ATP2B2: variants seen among roughly 807,000 people sequenced by gnomAD.
ATP2B2 encodes ATPase plasma membrane Ca2+ transporting 2, also known as plasma membrane calcium-transporting ATPase 2.
In ATP2B2, 15 loss-of-function variants were observed where a neutral mutation model predicts 120.0. That is an observed-to-expected ratio of 0.12 (90% CI 0.08 to 0.19). The LOEUF is 0.19. Ranked by LOEUF, ATP2B2 falls within the 10% of genes least tolerant of loss-of-function variation. ATP2B2 has a pLI of 1.00. For missense variants in ATP2B2, 1,045 were observed against 1,719.8 expected (o/e 0.61, Z 6.94); for synonymous variants, 694 against 700.3 (o/e 0.99, Z 0.14).
chr3:10,586,145 C>T lies in ATP2B2; in HGVS notation c.-415+33772G>A, dbSNP rs114701709. Among the ~76,000 whole-genome samples, 1,436 of 152,256 alleles carry T rather than the reference C, an allele frequency of 9.4e-3. 25 individuals are homozygous for T. Among genetic ancestry groups the T allele is most frequent in the African/African-American group, 0.032 (1,347 of 41,528 alleles). On this transcript the variant is annotated intron_variant, in intron 2 of 21. Transcript: ENST00000646379. ...GTATTTGTTTACTTCTGACCGAAGC[C>T]ATGATGTCATCATTTTTACCCAGTT...
intron 1 of ATP2B2, among the ~76,000 whole-genome samples, chr3:10,661,468 G>T (rs1249501229): frequency 6.6e-6 from 1 of 152,120 alleles, no homozygotes; most frequent in Non-Finnish European, 1.5e-5. Context: ...GACAAACAGA[G>T]AGCCAAATCA....
intron 2 of ATP2B2, among the ~76,000 whole-genome samples, chr3:10,607,839 C>T (rs2069127441): frequency 6.6e-6 from 1 of 152,128 alleles, no homozygotes; most frequent in Admixed American, 6.5e-5. Context: ...TCAGCATCAC[C>T]AGGGTTTACC....
rs988347082 is a variant in ATP2B2, at chr3:10,347,394, T to C, written c.2405-1257A>G. Among the ~76,000 whole-genome samples the C allele has an allele frequency of 2.0e-5, 3 of 152,244 alleles. No homozygotes were observed. The highest frequency in any genetic ancestry group is 2.9e-5 in the Non-Finnish European group (2 of 68,042). Reference sequence around the variant, plus strand: ...CCTTAATCAGATCCATGTAACTCTATGTGCTGCTCCATCCTTGCGCATCTC... The same window carrying C: ...CCTTAATCAGATCCATGTAACTCTACGTGCTGCTCCATCCTTGCGCATCTC... On this transcript the variant is annotated intron_variant, in intron 16 of 22. Transcript: ENST00000360273. This position sits in a 1 kb window ranked among gnomAD's most constrained non-coding sequence, Gnocchi z 5.2.
At chr3:10,547,036 G>A (rs530052188) in intron 2 of ATP2B2, among the ~76,000 whole-genome samples, 165 of 152,276 alleles carry the variant, frequency 1.1e-3, no homozygotes, top group African/African-American at 3.8e-3. Context: ...CTGCAGAGAC[G>A]AACACTCCAG....
chr3:10,688,491 G>C (rs1398893227), intron 1 of ATP2B2, among the ~76,000 whole-genome samples: 2 of 152,188 alleles, frequency 1.3e-5, no homozygotes, highest in Admixed American at 1.3e-4. Context: ...TGCTGTTCAA[G>C]ATCAGCAGGG....
At chr3:10,382,666 A>C (rs937275787) in intron 8 of ATP2B2, among the ~76,000 whole-genome samples, 1 of 152,086 alleles carries the variant, frequency 6.6e-6, no homozygotes, top group Non-Finnish European at 1.5e-5. Context: ...CTCATGATGT[A>C]TAATTAACTG....
chr3:10,343,808 C>A lies in ATP2B2; in HGVS notation c.2704-843G>T, dbSNP rs1430251295. 2.0e-5 allele frequency among the ~76,000 whole-genome samples: 3 copies of A among 152,154 alleles called. No individual in the cohort carries two copies. The highest frequency in any genetic ancestry group is 7.2e-5 in the African/African-American group (3 of 41,434). ...CCTGCACTCCCACTTGTAATCCTGACCCCACTCTCCTGGTCGTCGTCCTCC... is the reference window on the plus strand; with the variant it reads ...CCTGCACTCCCACTTGTAATCCTGAACCCACTCTCCTGGTCGTCGTCCTCC... On this transcript the variant is annotated intron_variant, in intron 18 of 22. Coordinates refer to ENST00000360273, the MANE Select transcript of ATP2B2 (RefSeq NM_001001331.4). This position sits in a 1 kb window ranked among gnomAD's most constrained non-coding sequence, Gnocchi z 4.2.
intron 2 of ATP2B2, among the ~76,000 whole-genome samples, chr3:10,420,053 C>T (rs541023849): frequency 7.9e-5 from 12 of 152,342 alleles, no homozygotes; most frequent in East Asian, 1.9e-4. Flanking sequence ...GGCCTTAGTG[C>T]CTGTGAGAGG....
At chr3:10,705,674 C>G (rs1436102078) in intron 1 of ATP2B2, among the ~76,000 whole-genome samples, 1 of 152,248 alleles carries the variant, frequency 6.6e-6, no homozygotes, top group African/African-American at 2.4e-5. Context: ...GATGGTAACA[C>G]CGGCTTCATA....
intron 3 of ATP2B2, among the ~76,000 whole-genome samples, chr3:10,516,575 CCT>C (rs2066880416): frequency 6.6e-6 from 1 of 152,244 alleles, no homozygotes; most frequent in Non-Finnish European, 1.5e-5. Flanking sequence ...ACTCCTCTGA[CCT>C]TTCCAGGTCT....
At chr3:10,501,573 G>A (rs1312828135) in intron 1 of ATP2B2, among the ~76,000 whole-genome samples, 2 of 152,088 alleles carry the variant, frequency 1.3e-5, no homozygotes, top group African/African-American at 2.4e-5. Flanking sequence ...GTCTTGGAGA[G>A]TGCCCTTGGA....
chr3:10,666,738 A>C (rs747729007), intron 1 of ATP2B2, among the ~76,000 whole-genome samples: 7 of 152,172 alleles, frequency 4.6e-5, no homozygotes, highest in Non-Finnish European at 8.8e-5. Context: ...AGGCCCCTAC[A>C]TGTGTTTCCT....
chr3:10,655,545 C>A (rs1163649427), intron 1 of ATP2B2, among the ~76,000 whole-genome samples: 8 of 148,852 alleles, frequency 5.4e-5, no homozygotes, highest in Non-Finnish European at 1.2e-4. Context: ...GCAGCATCAT[C>A]ATTGCCTGGC....
At chr3:10,337,227 G>A (rs532975390) in intron 22 of ATP2B2, among the ~76,000 whole-genome samples, 2 of 152,332 alleles carry the variant, frequency 1.3e-5, no homozygotes, top group African/African-American at 4.8e-5. Flanking sequence ...ACAGAGGGGT[G>A]GGAGGTGACC....
chr3:10,527,375 G>A (rs1216883125), intron 3 of ATP2B2, among the ~76,000 whole-genome samples: 1 of 152,228 alleles, frequency 6.6e-6, no homozygotes, highest in Non-Finnish European at 1.5e-5. Flanking sequence ...AGAGATGGAG[G>A]TAAATGTCCA....
chr3:10,582,125 C>A (rs1252857412), intron 2 of ATP2B2, among the ~76,000 whole-genome samples: 1 of 152,158 alleles, frequency 6.6e-6, no homozygotes, highest in African/African-American at 2.4e-5. Context: ...TTAAAAATAC[C>A]TTCCCTGTTC....
intron 1 of ATP2B2, among the ~76,000 whole-genome samples, chr3:10,490,164 C>G (rs1396164068): frequency 6.6e-6 from 1 of 152,252 alleles, no homozygotes; most frequent in Non-Finnish European, 1.5e-5. Context: ...TCCAGCCTGG[C>G]TGTTATTACA....
chr3:10,371,794 C>G lies in ATP2B2; in HGVS notation c.1659+15G>C, dbSNP rs2061251166. 6.2e-7 allele frequency: 1 copy of G among 1,614,138 alleles called. No homozygotes were observed. On this transcript the variant is annotated intron_variant, in intron 12 of 22. Coordinates refer to ENST00000360273, the MANE Select transcript of ATP2B2 (RefSeq NM_001001331.4). Reference sequence around the variant, plus strand: ...ATGTTGCTCCAGGTGGTGGATGTGCCTGGTCCACACTTACCAGAATCTTGG... The same window carrying G: ...ATGTTGCTCCAGGTGGTGGATGTGCGTGGTCCACACTTACCAGAATCTTGG...
chr3:10,472,211 C>T (rs1465123744), intron 1 of ATP2B2, among the ~76,000 whole-genome samples: 2 of 140,822 alleles, frequency 1.4e-5, no homozygotes, highest in South Asian at 2.5e-4. Context: ...AGATGGGAGC[C>T]GGGAGGCCCG....
Sources: gnomAD v4.1 joint callset for allele counts (sites outside exome capture counted in the v4.1 genomes callset) on GRCh38, gnomAD v4.1.1 for gene constraint, Gnocchi (gnomAD v3.1) non-coding constraint, MANE v1.5 for transcripts, NCBI Gene and HGNC (gene_info 2026-07-23, HGNC 2026-07-21) for gene names.